Variants in YEATS2 observed in about 807,000 individuals in gnomAD.
YEATS2 encodes the protein YEATS domain containing 2.
Under a neutral mutation model 163.2 loss-of-function variants are expected in YEATS2, and 77 were observed. The observed-to-expected ratio is 0.47, with a 90% CI of 0.39 to 0.57. The LOEUF (loss-of-function observed/expected upper bound fraction) is 0.57, where lower values mean the gene tolerates loss of function less well. Among genes scored for constraint, YEATS2 ranks in the 20% least tolerant of loss-of-function variants. The pLI is 0.00. For missense variants in YEATS2, 1,549 were observed against 1,729.8 expected (o/e 0.90, Z 1.85); for synonymous variants, 631 against 645.1 (o/e 0.98, Z 0.33).
chr3:183,719,172 GT>G (rs1042547226), intron 4 of YEATS2, among the ~76,000 whole-genome samples: 2 of 119,718 alleles, frequency 1.7e-5, no homozygotes, highest in Non-Finnish European at 3.7e-5. Context: ...TTTTTTGTTT[GT>G]TTTTTTGAGA....
intron 21 of YEATS2, among the ~76,000 whole-genome samples, chr3:183,796,865 T>C (rs1358070824): frequency 6.6e-6 from 1 of 152,088 alleles, no homozygotes; most frequent in Non-Finnish European, 1.5e-5. Flanking sequence ...TTCTCTGCGG[T>C]AGGACTTTGG....
chr3:183,744,876 A>C (rs900610832), intron 8 of YEATS2, among the ~76,000 whole-genome samples: 5 of 151,998 alleles, frequency 3.3e-5, no homozygotes, highest in African/African-American at 1.2e-4. Context: ...TTTGAGGCAG[A>C]ATCTCACTCT....
intron 22 of YEATS2, 31 bp downstream of exon 22, chr3:183,798,082 T>C (rs1725328330): frequency 1.2e-6 from 2 of 1,610,552 alleles, no homozygotes; most frequent in East Asian, 2.2e-5. Context: ...TCGTCTGTGC[T>C]GTGGCTGCCT....
chr3:183,798,146 C>T lies in YEATS2; in HGVS notation c.3226+95C>T, dbSNP rs1048909485. The T allele has an allele frequency of 4.5e-6, 7 of 1,540,394 alleles. No individual in the cohort carries two copies. In the Admixed American group the frequency reaches 7.1e-5, roughly 16 times the overall value. On this transcript the variant is annotated intron_variant, in intron 22 of 30. Coordinates refer to ENST00000305135, the MANE Select transcript of YEATS2 (RefSeq NM_018023.5). ...GACTGCTCTGCCTGTGTACAGCCAC[C>T]CTTCAGCTGTCACGGTATTCCCAGC...
chr3:183,701,826 A>G (rs1413396017), intron 1 of YEATS2, among the ~76,000 whole-genome samples: 2 of 152,196 alleles, frequency 1.3e-5, no homozygotes, highest in African/African-American at 4.8e-5. Flanking sequence ...GTAAAGTTCA[A>G]GCCCCTCCCC....
intron 30 of YEATS2, chr3:183,810,254 T>C (rs541025852): frequency 1.2e-5 from 6 of 480,488 alleles, no homozygotes; most frequent in Non-Finnish European, 2.3e-5. Flanking sequence ...GTTCTCAGAA[T>C]CTTTTTTCCT....
At chr3:183,701,085 A>AT (rs1366377335) in intron 1 of YEATS2, among the ~76,000 whole-genome samples, 4,630 of 142,566 alleles carry the variant, frequency 0.032, 235 homozygotes, top group African/African-American at 0.11. Context: ...ATATATATAA[A>AT]TTTTTTTTTT....
At chr3:183,732,378 G>A (rs535003957) in intron 7 of YEATS2, among the ~76,000 whole-genome samples, 86 of 151,114 alleles carry the variant, frequency 5.7e-4, no homozygotes, top group Non-Finnish European at 1.1e-3. Context: ...GCTTGAACCC[G>A]GGAGGCACAG....
At chr3:183,722,906 C>T (rs535399340) in intron 5 of YEATS2, among the ~76,000 whole-genome samples, 1 of 152,272 alleles carries the variant, frequency 6.6e-6, no homozygotes, top group Admixed American at 6.5e-5. Flanking sequence ...CCTGCCTCGG[C>T]CTCTCAAAGT....
intron 7 of YEATS2, among the ~76,000 whole-genome samples, chr3:183,730,052 G>T (rs138417512): frequency 1.2e-3 from 49 of 41,718 alleles, no homozygotes; most frequent in Non-Finnish European, 1.4e-3. Context: ...TTTTTTGTTT[G>T]TTTTTTTTTT....
chr3:183,807,739 C>T lies in YEATS2; in HGVS notation c.4012-291C>T, dbSNP rs550497770. 6.9e-4 allele frequency: 220 copies of T among 317,396 alleles called. 1 individual carries two copies. Among genetic ancestry groups the T allele is most frequent in the Non-Finnish European group, 1.1e-3 (186 of 171,066 alleles). 19.7% of individuals were successfully genotyped at this position (317,396 alleles called of 1,614,324 possible). ...TCCAGACCTTTCAAAGTGTTGATTG[C>T]GTATCAGAACCCAGGCAGATCCCAA... On this transcript the variant is annotated intron_variant, in intron 28 of 30. Coordinates refer to ENST00000305135, the MANE Select transcript of YEATS2 (RefSeq NM_018023.5).
At chr3:183,727,459 A>T (rs981339545) in intron 6 of YEATS2, among the ~76,000 whole-genome samples, 3 of 152,032 alleles carry the variant, frequency 2.0e-5, no homozygotes, top group African/African-American at 4.8e-5. Flanking sequence ...TCTCTCCCCA[A>T]ATCAATCTGT....
chr3:183,773,222 C>G (rs1004876832), intron 16 of YEATS2, among the ~76,000 whole-genome samples: 3 of 152,174 alleles, frequency 2.0e-5, no homozygotes, highest in Non-Finnish European at 4.4e-5. Flanking sequence ...TTTGCCCTAA[C>G]TTTGACTTTA....
intron 10 of YEATS2, 26 bp from the exon 11 acceptor site, chr3:183,754,100 C>T: frequency 6.6e-7 from 1 of 1,512,132 alleles, no homozygotes; most frequent in Non-Finnish European, 8.9e-7. Context: ...TGATGACTTG[C>T]CGTTTGCCTC....
intron 9 of YEATS2, among the ~76,000 whole-genome samples, chr3:183,749,354 T>G (rs1024077707): frequency 6.6e-6 from 1 of 152,244 alleles, no homozygotes; most frequent in Non-Finnish European, 1.5e-5. Flanking sequence ...CACATTATTA[T>G]GCAGCCATGA....
At chr3:183,799,575 T>A (rs1725466244) in intron 23 of YEATS2, among the ~76,000 whole-genome samples, 1 of 152,146 alleles carries the variant, frequency 6.6e-6, no homozygotes, top group Non-Finnish European at 1.5e-5. Flanking sequence ...TTTGGCGAGC[T>A]GTCAGTGGGA....
chr3:183,759,557 C>T (rs1167864257), intron 13 of YEATS2, among the ~76,000 whole-genome samples: 1 of 152,038 alleles, frequency 6.6e-6, no homozygotes, highest in Admixed American at 6.6e-5. Context: ...CTCCTTAACC[C>T]ATAAAAAAAA....
chr3:183,775,204 A>G (rs1161630230), intron 17 of YEATS2, among the ~76,000 whole-genome samples: 2 of 152,210 alleles, frequency 1.3e-5, no homozygotes, highest in African/African-American at 4.8e-5. Context: ...AACATCGAGC[A>G]CTGTAAAGTT....
At chr3:183,725,041 CTT>C (rs62826962) in intron 6 of YEATS2, among the ~76,000 whole-genome samples, 3,600 of 87,510 alleles carry the variant, frequency 0.041, 91 homozygotes, top group East Asian at 0.15. Context: ...CCGTGCCGGC[CTT>C]TTTTTTTTTT....
Sources: gnomAD v4.1 joint callset for allele counts (sites outside exome capture counted in the v4.1 genomes callset) on GRCh38, gnomAD v4.1.1 for gene constraint, MANE v1.5 for transcripts, NCBI Gene and HGNC (gene_info 2026-07-23, HGNC 2026-07-21) for gene names.